The following DNAH8 variants were observed in gnomAD, a reference collection of about 807,000 sequenced individuals.
DNAH8 encodes the protein dynein axonemal heavy chain 8, also known as axonemal beta dynein heavy chain 8.
Under a neutral mutation model 562.1 loss-of-function variants are expected in DNAH8, and 382 were observed. That is an observed-to-expected ratio of 0.68 (90% CI 0.63 to 0.74). The LOEUF (loss-of-function observed/expected upper bound fraction) is 0.74, where lower values mean the gene tolerates loss of function less well. Among genes scored for constraint, DNAH8 ranks in the 30% least tolerant of loss-of-function variants. The probability of loss-of-function intolerance (pLI) is 0.00; values close to 1 mark genes in which losing one functional copy is unlikely to be tolerated. For synonymous variants in DNAH8, 1,881 were observed against 1,919.4 expected (o/e 0.98, Z 0.52); for missense variants, 5,203 against 5,620.4 (o/e 0.93, Z 2.37).
chr6:39,017,413 G>A (rs548584296), intron 91 of DNAH8, among the ~76,000 whole-genome samples: 13 of 152,102 alleles, frequency 8.5e-5, no homozygotes, highest in Non-Finnish European at 1.8e-4. Context: ...TCAGGCCAGG[G>A]TATTGACTGC....
Position 38,851,644 on chromosome 6 carries a change from T to G in DNAH8, c.5436T>G (p.Leu1812=), listed in dbSNP as rs1386809737. The part of the protein sequence containing the change: ...FVSDPVLLEI[L]GQASDSHTIQ... ...CTGATCCAGTTCTCCTGGAAATTCTTGGACAAGCCAGTGATTCCCACACCA... is the reference window on the plus strand; with the variant it reads ...CTGATCCAGTTCTCCTGGAAATTCTGGGACAAGCCAGTGATTCCCACACCA... Residue 1812 remains leucine (L), a synonymous_variant, in exon 39 of 93, where the codon CTT becomes CTG. Coordinates refer to ENST00000327475, the MANE Select transcript of DNAH8 (RefSeq NM_001206927.2). The G allele has an allele frequency of 3.1e-6, 5 of 1,611,750 alleles. No individual in the cohort carries two copies. The African/African-American group carries it at 6.7e-5, about 22-fold the overall frequency.
intron 64 of DNAH8, 138 bp downstream of exon 64, chr6:38,908,258 A>G (rs1780630870): frequency 6.1e-6 from 3 of 494,202 alleles, no homozygotes; most frequent in African/African-American, 2.0e-5. Flanking sequence ...TTTGTACCAC[A>G]CAATCTCCAT....
At chr6:38,857,211 A>G (rs1042651377) in intron 41 of DNAH8, among the ~76,000 whole-genome samples, 2 of 152,214 alleles carry the variant, frequency 1.3e-5, no homozygotes, top group African/African-American at 4.8e-5. Flanking sequence ...TTCTTGAGAA[A>G]GAAAAATCGT....
At chr6:38,829,440 T>C (rs369519783) in intron 30 of DNAH8, among the ~76,000 whole-genome samples, 8 of 152,308 alleles carry the variant, frequency 5.3e-5, no homozygotes, top group African/African-American at 1.9e-4. Flanking sequence ...ACTGCCATGT[T>C]TTCTTATGAG....
chr6:38,857,835 A>G (rs1776324824), intron 42 of DNAH8, 93 bp downstream of exon 42: 1 of 784,240 alleles, frequency 1.3e-6, no homozygotes, highest in African/African-American at 1.7e-5. Flanking sequence ...CTTTCCATTT[A>G]CTTGGTCCTT....
chr6:38,733,899 A>G (rs1359035075), intron 4 of DNAH8, among the ~76,000 whole-genome samples: 2 of 150,102 alleles, frequency 1.3e-5, no homozygotes, highest in Admixed American at 1.3e-4. Flanking sequence ...AGACAGAGCT[A>G]AAAAAAAAGA....
rs2150391602 is a variant in DNAH8, at chr6:38,852,813, T to G, written c.5571+15T>G. ...AAAAAATTGTTGTAATTTACCTTGCTTTAAATTTTTTTATTAGAATTTCTT... is the reference window on the plus strand; with the variant it reads ...AAAAAATTGTTGTAATTTACCTTGCGTTAAATTTTTTTATTAGAATTTCTT... On this transcript the variant is annotated intron_variant, in intron 40 of 92. Coordinates refer to ENST00000327475, the MANE Select transcript of DNAH8 (RefSeq NM_001206927.2). 1.3e-6 allele frequency: 2 copies of G among 1,576,982 alleles called. No homozygotes were observed. Among genetic ancestry groups the G allele is most frequent in the Non-Finnish European group, 1.7e-6 (2 of 1,148,342 alleles).
At chr6:38,961,980 G>T (rs1762631400) in intron 82 of DNAH8, among the ~76,000 whole-genome samples, 1 of 151,878 alleles carries the variant, frequency 6.6e-6, no homozygotes, top group Non-Finnish European at 1.5e-5. Flanking sequence ...TAATAGTTCA[G>T]TGAGGTGACT....
At chr6:39,015,142 A>G (rs1420440053) in intron 91 of DNAH8, among the ~76,000 whole-genome samples, 1 of 152,182 alleles carries the variant, frequency 6.6e-6, no homozygotes, top group Non-Finnish European at 1.5e-5. Flanking sequence ...GTAAGGACCA[A>G]TGATTTTCAA....
At chr6:38,921,627 C>A in intron 71 of DNAH8, 121 bp downstream of exon 71, 1 of 1,056,628 alleles carries the variant, frequency 9.5e-7, no homozygotes, top group Non-Finnish European at 1.3e-6. Flanking sequence ...TGCCTATCTG[C>A]TTTGGATCTT....
At chr6:38,715,859 C>A (rs1762236390) in intron 1 of DNAH8, among the ~76,000 whole-genome samples, 1 of 102,806 alleles carries the variant, frequency 9.7e-6, no homozygotes. Flanking sequence ...CACCACTATC[C>A]AATGCATCCA....
rs377043320 is a variant in DNAH8 at position 38,938,846 on chromosome 6, G to C, written c.11865G>C (p.Glu3955Asp). Residue 3955 changes from glutamate to aspartate, a missense_variant, in exon 79 of 93, where the codon GAG (glutamate) becomes GAC (aspartate). Transcript: ENST00000327475. ...AAAAGAGAATTACAAATATTATCGA[G>C]TACCTGACATATGAAGTTTTTACAT... ...LPQKRITNII[E>D]YLTYEVFTYS... 6.2e-7 allele frequency: 1 copy of C among 1,612,990 alleles called. No individual in the cohort carries two copies. The highest frequency in any genetic ancestry group is 8.5e-7 in the Non-Finnish European group (1 of 1,179,266).
At chr6:38,912,208 A>G (rs1780957380) in intron 66 of DNAH8, among the ~76,000 whole-genome samples, 1 of 152,212 alleles carries the variant, frequency 6.6e-6, no homozygotes, top group South Asian at 2.1e-4. Context: ...TGATGCCTGT[A>G]ATTCCACACT....
At chr6:38,892,371 C>T (rs1779394630) in intron 58 of DNAH8, among the ~76,000 whole-genome samples, 1 of 152,180 alleles carries the variant, frequency 6.6e-6, no homozygotes, top group African/African-American at 2.4e-5. Flanking sequence ...TTACCATGTC[C>T]AAACAGAACT....
At chr6:38,949,313 G>T in intron 80 of DNAH8, 139 bp from the exon 81 acceptor site, 1 of 652,308 alleles carries the variant, frequency 1.5e-6, no homozygotes, top group Non-Finnish European at 2.8e-6. Flanking sequence ...TGATCCTGAA[G>T]AAAGGTTTAA....
At chr6:38,965,403 A>G (rs916620312) in intron 82 of DNAH8, among the ~76,000 whole-genome samples, 7 of 152,186 alleles carry the variant, frequency 4.6e-5, no homozygotes, top group African/African-American at 1.7e-4. Flanking sequence ...GATTATGCAT[A>G]TTAAAAGGAT....
Position 38,880,450 on chromosome 6 carries a change from G to A in DNAH8, c.7859-2460G>A, listed in dbSNP as rs1778387934. Among the ~76,000 whole-genome samples the A allele has an allele frequency of 2.6e-5, 4 of 151,904 alleles. No homozygotes were observed. In the South Asian group the frequency reaches 8.3e-4, roughly 32 times the overall value. Reference sequence around the variant, plus strand: ...ATAGCAAAATCTAGCCAGTGCGATGGGGGGAAAAATCTCTTTTGCTGTTTA... The same window carrying A: ...ATAGCAAAATCTAGCCAGTGCGATGAGGGGAAAAATCTCTTTTGCTGTTTA... On this transcript the variant is annotated intron_variant, in intron 53 of 92. Transcript: ENST00000327475.
At chr6:38,883,535 T>G in intron 55 of DNAH8, 79 bp downstream of exon 55, 12 of 1,347,608 alleles carry the variant, frequency 8.9e-6, no homozygotes, top group Non-Finnish European at 9.0e-6. Flanking sequence ...TGTACGCATA[T>G]AAAATGTGAA....
At chr6:38,890,855 T>A in intron 58 of DNAH8, 94 bp downstream of exon 58, 1 of 822,434 alleles carries the variant, frequency 1.2e-6, no homozygotes, top group Non-Finnish European at 2.0e-6. Context: ...TAATATCATA[T>A]ATAGTGGTGT....
Sources: allele counts gnomAD v4.1 joint callset (sites outside exome capture counted in the v4.1 genomes callset), GRCh38; gene constraint gnomAD v4.1.1; transcripts MANE v1.5; gene names NCBI Gene and HGNC (gene_info 2026-07-23, HGNC 2026-07-21).